Variants in KCNK13 observed in about 807,000 individuals in gnomAD.
KCNK13 encodes the protein potassium channel subfamily K member 13.
KCNK13 carries 12 observed loss-of-function variants against 23.4 expected under a neutral mutation model. That is an observed-to-expected ratio of 0.51 (90% CI 0.33 to 0.83). The LOEUF is 0.83. KCNK13 is among the 40% of genes least tolerant of loss of function. The probability of loss-of-function intolerance (pLI) is 0.02; values close to 1 mark genes in which losing one functional copy is unlikely to be tolerated. For synonymous variants in KCNK13, 231 were observed against 229.5 expected (o/e 1.01, Z -0.06); for missense variants, 463 against 556.3 (o/e 0.83, Z 1.69).
intron 1 of KCNK13, among the ~76,000 whole-genome samples, chr14:90,102,834 A>T (rs1235203027): frequency 1.3e-5 from 2 of 152,088 alleles, no homozygotes; most frequent in African/African-American, 2.4e-5. Context: ...CTTTTATTTT[A>T]GATACAGGAG....
intron 1 of KCNK13, among the ~76,000 whole-genome samples, chr14:90,066,790 C>T (rs2140386401): frequency 6.6e-6 from 1 of 152,162 alleles, no homozygotes; most frequent in South Asian, 2.1e-4. Context: ...CTTTATGACC[C>T]AGCAATTCCA....
chr14:90,166,642 G>A (rs916187124), intron 1 of KCNK13, among the ~76,000 whole-genome samples: 2 of 151,190 alleles, frequency 1.3e-5, no homozygotes, highest in African/African-American at 4.9e-5. Flanking sequence ...GGAGGTGGAG[G>A]TTCCAGTGAG....
chr14:90,148,167 TATAATA>T (rs1479067130), intron 1 of KCNK13, among the ~76,000 whole-genome samples: 1 of 152,028 alleles, frequency 6.6e-6, no homozygotes, highest in African/African-American at 2.4e-5. Flanking sequence ...CATCTCAAAA[TATAATA>T]ATAATAATAA....
At chr14:90,127,901 T>A (rs1319770204) in intron 1 of KCNK13, among the ~76,000 whole-genome samples, 1 of 149,926 alleles carries the variant, frequency 6.7e-6, no homozygotes, top group Admixed American at 6.7e-5. Flanking sequence ...CCATTCTGAG[T>A]GTACTTTTGG....
rs368863411 is a variant in KCNK13 at position 90,068,637 on chromosome 14, G to A, written c.334+6098G>A. Among the ~76,000 whole-genome samples the A allele has an allele frequency of 5.9e-5, 9 of 152,112 alleles. 1 individual carries two copies. In the East Asian group the frequency reaches 1.3e-3, roughly 23 times the overall value. ...AAAAGAAAAGAAATGCAGACTCTCA[G>A]GTCAACCCCAGACCAACAGAATCAA... On this transcript the variant is annotated intron_variant, in intron 1 of 1. Coordinates refer to ENST00000282146, the MANE Select transcript of KCNK13 (RefSeq NM_022054.4).
intron 1 of KCNK13, among the ~76,000 whole-genome samples, chr14:90,145,489 C>G (rs1890062096): frequency 6.6e-6 from 1 of 152,156 alleles, no homozygotes; most frequent in African/African-American, 2.4e-5. Flanking sequence ...TGGATTCAAA[C>G]ATGCTGAAAT....
intron 1 of KCNK13, among the ~76,000 whole-genome samples, chr14:90,161,097 T>A (rs571075826): frequency 5.9e-5 from 9 of 152,118 alleles, no homozygotes; most frequent in African/African-American, 1.4e-4. Flanking sequence ...ATACATACAA[T>A]AAAATGTTAT....
At chr14:90,112,122 C>G (rs1224900243) in intron 1 of KCNK13, among the ~76,000 whole-genome samples, 1 of 152,224 alleles carries the variant, frequency 6.6e-6, no homozygotes, top group Non-Finnish European at 1.5e-5. Context: ...AGCCAAACAT[C>G]CTGCTCTGCT....
chr14:90,075,772 C>T (rs1341671502), intron 1 of KCNK13, among the ~76,000 whole-genome samples: 1 of 152,188 alleles, frequency 6.6e-6, no homozygotes, highest in Non-Finnish European at 1.5e-5. Context: ...TGAGCCACTA[C>T]AACAGGTCTA....
chr14:90,100,287 G>A lies in KCNK13; in HGVS notation c.334+37748G>A, dbSNP rs1341412256. 2.6e-5 allele frequency among the ~76,000 whole-genome samples: 4 copies of A among 152,098 alleles called. No individual in the cohort carries two copies. In the East Asian group the frequency reaches 7.7e-4, roughly 29 times the overall value. Reference sequence around the variant, plus strand: ...TTCCACCCAAGAAACTCTATAATAGGTGCCGTGGCTGCATTTTGGTGACCT... The same window carrying A: ...TTCCACCCAAGAAACTCTATAATAGATGCCGTGGCTGCATTTTGGTGACCT... On this transcript the variant is annotated intron_variant, in intron 1 of 1. Transcript: ENST00000282146.
intron 1 of KCNK13, among the ~76,000 whole-genome samples, chr14:90,138,209 T>TA (rs1889961485): frequency 6.6e-6 from 1 of 152,232 alleles, no homozygotes; most frequent in Non-Finnish European, 1.5e-5. Context: ...GTGCTCATTG[T>TA]AAAAATATAT....
chr14:90,179,636 C>T (rs987503708), intron 1 of KCNK13, among the ~76,000 whole-genome samples: 7 of 152,182 alleles, frequency 4.6e-5, no homozygotes, highest in African/African-American at 1.2e-4. Flanking sequence ...GCCGTTGGTT[C>T]TCGATCCACT....
chr14:90,062,187 T>A lies in KCNK13; in HGVS notation c.-19T>A. 7.3e-7 allele frequency: 1 copy of A among 1,367,654 alleles called. No individual in the cohort carries two copies. The highest frequency in any genetic ancestry group is 9.4e-7 in the Non-Finnish European group (1 of 1,061,158). 84.7% of individuals were successfully genotyped at this position (1,367,654 alleles called of 1,614,324 possible). On this transcript the variant is annotated 5_prime_UTR_variant, in exon 1 of 2. Coordinates refer to ENST00000282146, the MANE Select transcript of KCNK13 (RefSeq NM_022054.4). The surrounding 1 kb of genome is among the most constrained non-coding windows in gnomAD (Gnocchi z 4.5). Reference sequence around the variant, plus strand: ...CGCCCGGTGCCGTGGGCCTGGGGGCTGCCCCCGGGGGCCCGGCCATGGCTG... The same window carrying A: ...CGCCCGGTGCCGTGGGCCTGGGGGCAGCCCCCGGGGGCCCGGCCATGGCTG...
At chr14:90,133,813 G>T (rs913150223) in intron 1 of KCNK13, among the ~76,000 whole-genome samples, 4 of 152,024 alleles carry the variant, frequency 2.6e-5, no homozygotes, top group Non-Finnish European at 5.9e-5. Context: ...CAGCCTCCAT[G>T]ATCCCTCTCC....
rs1889280081 is a variant in KCNK13, at chr14:90,086,724, CAAATGT to C, written c.334+24189_334+24194del. On this transcript the variant is annotated intron_variant, in intron 1 of 1. Transcript: ENST00000282146. ...ACCACACCCAGCACTCATCCCATATCAAATGTAAACCTCAGTTTGGTTCAGTCAGAA... is the reference window on the plus strand; with the variant it reads ...ACCACACCCAGCACTCATCCCATATCAAACCTCAGTTTGGTTCAGTCAGAA... Among the ~76,000 whole-genome samples, 4 of 152,158 alleles carry C rather than the reference CAAATGT, an allele frequency of 2.6e-5. No individual in the cohort carries two copies. The South Asian group carries it at 8.3e-4, about 32-fold the overall frequency.
chr14:90,184,930 A>G lies in KCNK13; in HGVS notation c.1154A>G (p.Asn385Ser). 1 of 1,612,962 alleles carries G rather than the reference A, an allele frequency of 6.2e-7. No homozygotes were observed. The change falls in exon 2 of 2, where the codon AAT (asparagine) becomes AGT (serine). Residue 385 changes from asparagine to serine, a missense_variant. Physicochemically the swap from Asn to Ser is conservative, Grantham distance 46. This residue lies in a region of KCNK13 where 166 missense variants were observed against 178.8 expected (regional missense o/e 0.93). Coordinates refer to ENST00000282146, the MANE Select transcript of KCNK13 (RefSeq NM_022054.4). The surrounding 1 kb of genome is among the most constrained non-coding windows in gnomAD (Gnocchi z 5.6). ...PHQTSTLARD[N>S]EFSGGVGAFA... Reference sequence around the variant, plus strand: ...CAGACCAGCACACTGGCCCGGGACAATGAATTCTCAGGGGGGGTGGGAGCC... The same window carrying G: ...CAGACCAGCACACTGGCCCGGGACAGTGAATTCTCAGGGGGGGTGGGAGCC...
At chr14:90,115,172 T>G (rs886222128) in intron 1 of KCNK13, among the ~76,000 whole-genome samples, 7 of 149,502 alleles carry the variant, frequency 4.7e-5, no homozygotes, top group Non-Finnish European at 1.0e-4. Flanking sequence ...TTTTGGGGTT[T>G]CGTTGTTTTG....
intron 1 of KCNK13, among the ~76,000 whole-genome samples, chr14:90,179,211 G>C (rs1479168740): frequency 3.9e-5 from 6 of 152,116 alleles, no homozygotes; most frequent in South Asian, 2.1e-4. Flanking sequence ...GGTTGGGGTG[G>C]GATGGGAGAA....
At chr14:90,085,097 G>T (rs537354078) in intron 1 of KCNK13, among the ~76,000 whole-genome samples, 1 of 151,504 alleles carries the variant, frequency 6.6e-6, no homozygotes, top group Non-Finnish European at 1.5e-5. Flanking sequence ...CGTGTGCCAC[G>T]ACGCCCAGCT....
Sources: allele counts gnomAD v4.1 joint callset (sites outside exome capture counted in the v4.1 genomes callset), GRCh38; gene constraint gnomAD v4.1.1; regional missense constraint gnomAD v4.1.1; non-coding constraint Gnocchi (gnomAD v3.1); transcripts MANE v1.5; gene names NCBI Gene and HGNC (gene_info 2026-07-23, HGNC 2026-07-21).